Variants in KIF20B observed in about 807,000 individuals in gnomAD.
KIF20B encodes the protein kinesin-like protein KIF20B.
KIF20B carries 188 observed loss-of-function variants against 232.5 expected under a neutral mutation model. That is an observed-to-expected ratio of 0.81 (90% confidence interval 0.72 to 0.91). The LOEUF (loss-of-function observed/expected upper bound fraction) is 0.91, where lower values mean the gene tolerates loss of function less well. KIF20B is among the 40% of genes least tolerant of loss of function. The pLI, the probability that KIF20B is intolerant of heterozygous loss-of-function variation, is 0.00. For synonymous variants in KIF20B, 712 were observed against 683.0 expected (o/e 1.04, Z -0.66); for missense variants, 2,154 against 2,055.9 (o/e 1.05, Z -0.92).
intron 13 of KIF20B, among the ~76,000 whole-genome samples, chr10:89,721,160 A>G (rs1843048519): frequency 1.3e-5 from 2 of 152,210 alleles, no homozygotes; most frequent in African/African-American, 4.8e-5. Context: ...TTGCAGAAGT[A>G]TAAGTAGAAC....
intron 15 of KIF20B, among the ~76,000 whole-genome samples, chr10:89,725,548 G>C (rs1489619337): frequency 6.6e-6 from 1 of 152,020 alleles, no homozygotes; most frequent in East Asian, 1.9e-4. Flanking sequence ...TGTATAAAAA[G>C]GGTTGCCCTT....
chr10:89,757,069 T>TATATATATATATACAC (rs138088478), intron 26 of KIF20B, among the ~76,000 whole-genome samples: 2 of 134,366 alleles, frequency 1.5e-5, no homozygotes, highest in Admixed American at 8.4e-5. Flanking sequence ...TATATATATA[T>TATATATATATATACAC]ACACACATGA....
At chr10:89,762,906 ACTGCT>A in intron 29 of KIF20B, 71 bp downstream of exon 29, 1 of 1,106,046 alleles carries the variant, frequency 9.0e-7, no homozygotes. Flanking sequence ...ATAGAGTTAA[ACTGCT>A]ATATTGCCCT....
intron 26 of KIF20B, among the ~76,000 whole-genome samples, chr10:89,756,735 G>T (rs755449387): frequency 1.3e-5 from 2 of 151,910 alleles, no homozygotes; most frequent in Non-Finnish European, 2.9e-5. Context: ...CTTCAGTTTT[G>T]TCTGTTTTTG....
Position 89,729,221 on chromosome 10 carries a change from CAT to C in KIF20B, c.2368_2369del (p.Met790GlyfsTer5). 6.7e-7 allele frequency: 1 copy of C among 1,492,962 alleles called. No individual in the cohort carries two copies. Among genetic ancestry groups the C allele is most frequent in the Non-Finnish European group, 9.0e-7 (1 of 1,111,606 alleles). 92.5% of individuals were successfully genotyped at this position (1,492,962 alleles called of 1,614,324 possible). ...TINEFQNLKS[H>X]MENTFKCNDK... ...CAACGAATTTCAGAACCTAAAGTCTCATATGGAAAACACATTTAAATGCAATG... is the reference window on the plus strand; with the variant it reads ...CAACGAATTTCAGAACCTAAAGTCTCATGGAAAACACATTTAAATGCAATG... On this transcript the variant is annotated frameshift_variant, in exon 18 of 33. Transcript: ENST00000371728. LOFTEE classifies it high-confidence loss of function.
At chr10:89,703,213 A>G (rs577457163) in intron 1 of KIF20B, among the ~76,000 whole-genome samples, 1 of 152,222 alleles carries the variant, frequency 6.6e-6, no homozygotes, top group Non-Finnish European at 1.5e-5. Flanking sequence ...CGTTTTGCAG[A>G]TGCTCCCCCC....
chr10:89,762,559 C>T, intron 28 of KIF20B, 79 bp from the exon 29 acceptor site: 2 of 1,050,308 alleles, frequency 1.9e-6, no homozygotes, highest in South Asian at 3.1e-5. Context: ...CTTGGATAGG[C>T]ATTTGAGAGA....
chr10:89,715,061 T>C lies in KIF20B; in HGVS notation c.819T>C (p.Val273=). The C allele has an allele frequency of 1.2e-6, 2 of 1,606,856 alleles. No individual in the cohort carries two copies. The highest frequency in any genetic ancestry group is 1.7e-6 in the Non-Finnish European group (2 of 1,175,812). ...ATAGTATAAAATTTTCTGTGTGGGT[T>C]TCTTTCTTTGAAATTTACAATGAAT... is the stretch of plus-strand genomic sequence containing the variant. The part of the protein sequence containing the change: ...MANSIKFSVW[V]SFFEIYNEYI... The change falls in exon 8 of 33, where the codon GTT becomes GTC. Residue 273 remains valine, a synonymous_variant. Coordinates refer to ENST00000371728, the MANE Select transcript of KIF20B (RefSeq NM_001284259.2).
At chr10:89,761,675 A>G (rs535848317) in intron 28 of KIF20B, among the ~76,000 whole-genome samples, 26 of 152,270 alleles carry the variant, frequency 1.7e-4, no homozygotes, top group African/African-American at 6.3e-4. Flanking sequence ...TTTTTCCTTG[A>G]CAGTTCTTAG....
rs1293078823 is a variant in KIF20B at position 89,754,639 on chromosome 10, A to T, written c.4469A>T (p.Asp1490Val). 1 of 1,592,828 alleles carries T rather than the reference A, an allele frequency of 6.3e-7. No homozygotes were observed. The highest frequency in any genetic ancestry group is 1.8e-5 in the Admixed American group (1 of 56,096). Residue 1490 changes from aspartate (D) to valine (V), a missense_variant, in exon 26 of 33, where the codon GAC (aspartate) becomes GTC (valine). Asp to Val is a radical substitution (Grantham distance 152). Transcript: ENST00000371728. ...RNKEMKKYAE[D>V]RERFFKQQNE... Reference sequence around the variant, plus strand: ...AAAGAGATGAAAAAATATGCTGAGGACAGGGAGCGTTTTTTTAAGCAACAG... The same window carrying T: ...AAAGAGATGAAAAAATATGCTGAGGTCAGGGAGCGTTTTTTTAAGCAACAG...
chr10:89,771,994 A>G (rs901240077), intron 31 of KIF20B, among the ~76,000 whole-genome samples: 1 of 151,994 alleles, frequency 6.6e-6, no homozygotes. Context: ...AGCCCAGCTC[A>G]GCCCTTAACA....
At chr10:89,728,933 GTGTGTGTGTGTGTGTA>G (rs1311788952) in intron 17 of KIF20B, among the ~76,000 whole-genome samples, 179 bp from the exon 18 acceptor site, 55 of 137,824 alleles carry the variant, frequency 4.0e-4, no homozygotes, top group African/African-American at 1.6e-3. Context: ...GTGTGTGTGT[GTGTGTGTGTGTGTGTA>G]TGTAATTTTT....
At chr10:89,768,929 G>A (rs751572801) in intron 31 of KIF20B, 41 bp downstream of exon 31, 3 of 1,511,816 alleles carry the variant, frequency 2.0e-6, no homozygotes, top group South Asian at 1.3e-5. Context: ...TTTGTTAGAT[G>A]TTGGGTATAT....
At chr10:89,731,561 C>A (rs1843319958) in intron 18 of KIF20B, among the ~76,000 whole-genome samples, 1 of 152,132 alleles carries the variant, frequency 6.6e-6, no homozygotes, top group African/African-American at 2.4e-5. Context: ...AGTTTGAATT[C>A]TTTGCTTTTT....
Position 89,725,011 on chromosome 10 carries a change from A to G in KIF20B, c.1863-9A>G. 1 of 1,611,152 alleles carries G rather than the reference A, an allele frequency of 6.2e-7. No homozygotes were observed. Among genetic ancestry groups the G allele is most frequent in the Non-Finnish European group, 8.5e-7 (1 of 1,178,502 alleles). ...CTGTTTCTTAATGGGATTAATTTGT[A>G]TTTTGAAGGGAGACTCTGCTTCAAG... On this transcript the variant is annotated splice_polypyrimidine_tract_variant and intron_variant, in intron 14 of 32. Coordinates refer to ENST00000371728, the MANE Select transcript of KIF20B (RefSeq NM_001284259.2).
chr10:89,758,723 G>T lies in KIF20B; in HGVS notation c.4521G>T (p.Gln1507His), dbSNP rs747590327. The T allele has an allele frequency of 6.3e-7, 1 of 1,593,246 alleles. No homozygotes were observed. Among genetic ancestry groups the T allele is most frequent in the Non-Finnish European group, 8.5e-7 (1 of 1,171,566 alleles). Residue 1507 changes from glutamine (Q) to histidine (H), a missense_variant, in exon 27 of 33, where the codon CAG becomes CAT. Physicochemically the swap from Gln to His is conservative, Grantham distance 24. Coordinates refer to ENST00000371728, the MANE Select transcript of KIF20B (RefSeq NM_001284259.2). ...QQNEMEILTA[Q>H]LTEKDSDLQK... ...CTGATTAGGAAATACTGACAGCCCA[G>T]CTGACAGAGAAAGATAGTGACCTTC...
intron 28 of KIF20B, among the ~76,000 whole-genome samples, chr10:89,761,422 C>T (rs1842236396): frequency 6.6e-6 from 1 of 151,110 alleles, no homozygotes; most frequent in African/African-American, 2.4e-5. Context: ...AAGGTGATAC[C>T]ATATTGTATC....
In KIF20B at chr10:89,715,689, T is replaced by G. The variant is rs544231889; in HGVS notation, c.940+507T>G. 1.2e-4 allele frequency among the ~76,000 whole-genome samples: 18 copies of G among 152,302 alleles called. No homozygotes were observed. The South Asian group carries it at 3.7e-3, about 32-fold the overall frequency. Reference sequence around the variant, plus strand: ...GCACTGTAATATTTTCTATATTCTTTGTCATTTCTACAAAATGCTGGCCAG... The same window carrying G: ...GCACTGTAATATTTTCTATATTCTTGGTCATTTCTACAAAATGCTGGCCAG... On this transcript the variant is annotated intron_variant, in intron 8 of 32. Coordinates refer to ENST00000371728, the MANE Select transcript of KIF20B (RefSeq NM_001284259.2).
rs1564677205 is a variant in KIF20B, at chr10:89,768,822, A to G, written c.5176A>G (p.Lys1726Glu). The change falls in exon 31 of 33, where the codon AAA becomes GAA. Residue 1726 changes from lysine to glutamate, a missense_variant. Lys to Glu is a moderately conservative substitution (Grantham distance 56). Coordinates refer to ENST00000371728, the MANE Select transcript of KIF20B (RefSeq NM_001284259.2). ...TGGTGTAAACCTGGCCACTAAGAAA[A>G]AAGAAGGAACACTACAGAAATTTGG... The part of the protein sequence containing the change: ...IIGVNLATKK[K>E]EGTLQKFGDF... The G allele has an allele frequency of 6.2e-7, 1 of 1,610,682 alleles. No individual in the cohort carries two copies. Among genetic ancestry groups the G allele is most frequent in the Non-Finnish European group, 8.5e-7 (1 of 1,178,388 alleles).
Sources: gnomAD v4.1 joint callset for allele counts (sites outside exome capture counted in the v4.1 genomes callset) on GRCh38, gnomAD v4.1.1 for gene constraint, MANE v1.5 for transcripts, NCBI Gene and HGNC (gene_info 2026-07-23, HGNC 2026-07-21) for gene names.